NAV2: variants seen among roughly 807,000 people sequenced by gnomAD.
The protein encoded by NAV2 is neuron navigator 2, also known as helicase, APC down-regulated 1.
NAV2 carries 54 observed loss-of-function variants against 223.2 expected under a neutral mutation model. That is an observed-to-expected ratio of 0.24 (90% confidence interval 0.19 to 0.30). The LOEUF (loss-of-function observed/expected upper bound fraction) is 0.30, where lower values mean the gene tolerates loss of function less well. Among genes scored for constraint, NAV2 ranks in the 10% least tolerant of loss-of-function variants. The pLI, the probability that NAV2 is intolerant of heterozygous loss-of-function variation, is 1.00. For missense variants in NAV2, 2,806 were observed against 3,147.5 expected, an observed-to-expected ratio of 0.89 and a Z score of 2.60; for synonymous variants, 1,279 against 1,239.3, an observed-to-expected ratio of 1.03 and a Z score of -0.67.
intron 1 of NAV2, among the ~76,000 whole-genome samples, chr11:19,382,073 T>C (rs1278830244): frequency 6.6e-6 from 1 of 152,180 alleles, no homozygotes; most frequent in Non-Finnish European, 1.5e-5. Flanking sequence ...CTCCTGGGCT[T>C]CCAGGGGGCT....
At chr11:19,444,946 G>A (rs1027653256) in intron 1 of NAV2, among the ~76,000 whole-genome samples, 6 of 152,126 alleles carry the variant, frequency 3.9e-5, no homozygotes, top group Non-Finnish European at 7.3e-5. Context: ...TCTATATGAA[G>A]AATAGGAAAA....
chr11:19,997,500 A>C (rs1013293072), intron 11 of NAV2, among the ~76,000 whole-genome samples: 3 of 151,948 alleles, frequency 2.0e-5, no homozygotes, highest in Admixed American at 6.5e-5. Flanking sequence ...AAAAACAACA[A>C]TTTTCATTCA....
At chr11:19,888,791 C>T (rs1449342833) in intron 5 of NAV2, among the ~76,000 whole-genome samples, 1 of 152,168 alleles carries the variant, frequency 6.6e-6, no homozygotes, top group Non-Finnish European at 1.5e-5. Flanking sequence ...GCTCTGCCCC[C>T]TGCTTTCCCA....
intron 1 of NAV2, among the ~76,000 whole-genome samples, chr11:19,658,686 A>G (rs1281811813): frequency 6.6e-6 from 1 of 152,190 alleles, no homozygotes; most frequent in Non-Finnish European, 1.5e-5. Context: ...CTGGCTCATG[A>G]GAACTAATTG....
intron 1 of NAV2, among the ~76,000 whole-genome samples, chr11:19,633,091 G>A (rs959883060): frequency 2.0e-5 from 3 of 151,796 alleles, no homozygotes; most frequent in African/African-American, 7.3e-5. Flanking sequence ...TCTGTTCATC[G>A]CAGTGCCTGG....
chr11:19,488,395 C>T (rs1198815759), intron 1 of NAV2, among the ~76,000 whole-genome samples: 1 of 152,192 alleles, frequency 6.6e-6, no homozygotes, highest in Non-Finnish European at 1.5e-5. Context: ...ACAGGAATGG[C>T]TATGGATAGA....
intron 1 of NAV2, chr11:19,518,318 T>C (rs755898592): frequency 1.3e-5 from 2 of 152,250 alleles, no homozygotes; most frequent in African/African-American, 2.4e-5. Flanking sequence ...CTTGGCTCAA[T>C]TGACTTCAAT....
intron 2 of NAV2, among the ~76,000 whole-genome samples, chr11:19,835,884 G>T (rs1345466647): frequency 1.3e-5 from 2 of 152,046 alleles, no homozygotes; most frequent in Non-Finnish European, 2.9e-5. Flanking sequence ...TGACTGGCAA[G>T]CTCCTACTTA....
chr11:19,847,427 C>T (rs968547034), intron 3 of NAV2, among the ~76,000 whole-genome samples: 1 of 152,200 alleles, frequency 6.6e-6, no homozygotes, highest in African/African-American at 2.4e-5. Flanking sequence ...AGCCTCCCAG[C>T]GCTGAGCCCC....
chr11:19,565,085 A>T (rs113825064), intron 1 of NAV2, among the ~76,000 whole-genome samples: 5,545 of 151,856 alleles, frequency 0.037, 229 homozygotes, highest in East Asian at 0.2. Flanking sequence ...CAGTGAGCCG[A>T]GATCACACCA....
intron 1 of NAV2, among the ~76,000 whole-genome samples, chr11:19,448,299 C>A (rs1317231705): frequency 6.6e-6 from 1 of 152,180 alleles, no homozygotes; most frequent in Non-Finnish European, 1.5e-5. Flanking sequence ...GCACAGCAAC[C>A]CTCCCCGTGG....
At chr11:19,406,632 C>T (rs1849910247) in intron 1 of NAV2, among the ~76,000 whole-genome samples, 1 of 152,038 alleles carries the variant, frequency 6.6e-6, no homozygotes, top group East Asian at 1.9e-4. Context: ...TCCTCTTTCC[C>T]CTCATCCAGC....
intron 1 of NAV2, among the ~76,000 whole-genome samples, chr11:19,352,980 G>A (rs771735989): frequency 3.9e-5 from 6 of 152,106 alleles, no homozygotes; most frequent in South Asian, 4.1e-4. Context: ...GCCTCTCAGC[G>A]TGCAGCCTGG....
At chr11:20,070,401 C>T (rs543151406) in intron 22 of NAV2, among the ~76,000 whole-genome samples, 32 of 152,232 alleles carry the variant, frequency 2.1e-4, no homozygotes, top group African/African-American at 6.7e-4. Context: ...ACTTACTTTC[C>T]GGTGAACTTG....
chr11:19,798,230 C>A (rs1033846719), intron 1 of NAV2, among the ~76,000 whole-genome samples: 2 of 152,174 alleles, frequency 1.3e-5, no homozygotes, highest in Admixed American at 1.3e-4. Flanking sequence ...TGTGTCTCTT[C>A]TTTCCTGTAA....
chr11:19,596,170 G>T (rs926323508), intron 1 of NAV2, among the ~76,000 whole-genome samples: 15 of 152,200 alleles, frequency 9.9e-5, no homozygotes, highest in African/African-American at 3.6e-4. Context: ...CATAAGGCTG[G>T]CATGGGGAAT....
At chr11:19,983,466 A>C (rs1416677781) in intron 10 of NAV2, among the ~76,000 whole-genome samples, 1 of 152,196 alleles carries the variant, frequency 6.6e-6, no homozygotes, top group African/African-American at 2.4e-5. Flanking sequence ...GATCGTGACA[A>C]CCGTAATGTC....
At chr11:19,378,582 A>G (rs1590082308) in intron 1 of NAV2, among the ~76,000 whole-genome samples, 2 of 113,600 alleles carry the variant, frequency 1.8e-5, no homozygotes, top group Admixed American at 2.2e-4. Flanking sequence ...TCTCCTTCAG[A>G]TTGGCTTTTG....
Position 19,488,310 on chromosome 11 carries a change from T to C in NAV2, c.75+137283T>C, listed in dbSNP as rs546198066. On this transcript the variant is annotated intron_variant, in intron 1 of 37. Coordinates refer to the NAV2 transcript ENST00000360655. ...AATACAGTGATGTTATAACTAGCTT[T>C]ATTAGTCGCAATAACACTTCAGTGC... Among the ~76,000 whole-genome samples the C allele has an allele frequency of 6.6e-5, 10 of 152,346 alleles. No individual in the cohort carries two copies. In the East Asian group the frequency reaches 1.9e-3, roughly 29 times the overall value.
Sources: gnomAD v4.1 joint callset for allele counts (sites outside exome capture counted in the v4.1 genomes callset) on GRCh38, gnomAD v4.1.1 for gene constraint, MANE v1.5 for transcripts, NCBI Gene and HGNC (gene_info 2026-07-23, HGNC 2026-07-21) for gene names.